The following KIR2DL3 variants were observed in gnomAD, a reference collection of about 807,000 sequenced individuals.
KIR2DL3 encodes killer cell immunoglobulin-like receptor 2DL3.
Under a neutral mutation model 33.8 loss-of-function variants are expected in KIR2DL3, and 39 were observed. The ratio of observed to expected loss-of-function variants is 1.15; its 90% CI spans 0.89 to 1.51. The LOEUF (loss-of-function observed/expected upper bound fraction) is 1.51, where lower values mean the gene tolerates loss of function less well. Among genes scored for constraint, KIR2DL3 ranks in the 40% most tolerant of loss-of-function variants. The pLI, the probability that KIR2DL3 is intolerant of heterozygous loss-of-function variation, is 0.00. For missense variants in KIR2DL3, 462 were observed against 426.2 expected (o/e 1.08, Z -0.74); for synonymous variants, 174 against 160.2 (o/e 1.09, Z -0.65).
intron 1 of KIR2DL3, 74 bp from the exon 2 acceptor site, chr19:54,739,431 TCA>T: frequency 6.2e-7 from 1 of 1,610,958 alleles, no homozygotes. Flanking sequence ...CTGCCAAGAC[TCA>T]CAGCCCAGTG....
At chr19:54,740,727 C>G (rs1359047241) in intron 2 of KIR2DL3, among the ~76,000 whole-genome samples, 2 of 151,872 alleles carry the variant, frequency 1.3e-5, no homozygotes, top group African/African-American at 4.8e-5. Flanking sequence ...CCAGTGATGA[C>G]TACATTCTAA....
intron 5 of KIR2DL3, among the ~76,000 whole-genome samples, chr19:54,748,722 A>G (rs1488113498): frequency 6.8e-3 from 967 of 143,092 alleles, no homozygotes; most frequent in African/African-American, 0.024. Flanking sequence ...CCTGGATTCA[A>G]GTGATTCTCC....
At position 54,738,683 on chromosome 19, in the gene KIR2DL3, G is replaced by A. The variant is rs188621146; in HGVS notation, c.34+104G>A. On this transcript the variant is annotated intron_variant, in intron 1 of 7. Transcript: ENST00000342376. ...GTGGAGTTATGGGCCTAGAGATGGA[G>A]TGATGGGCCTAGAAGTGGAGATCTG... 2,609 of 1,573,388 alleles carry A rather than the reference G, an allele frequency of 1.7e-3. 49 individuals carry two copies. The highest frequency in any genetic ancestry group is 3.3e-4 in the Middle Eastern group (2 of 5,972).
rs1307041648 is a variant in KIR2DL3 at position 54,751,890 on chromosome 19, G to A, written c.820+137G>A. ...AGCCACAGAGGGAGGACTTTCTAGAGAGAGCACCAGACTCCCTGTCCCTGC... is the reference window on the plus strand; with the variant it reads ...AGCCACAGAGGGAGGACTTTCTAGAAAGAGCACCAGACTCCCTGTCCCTGC... On this transcript the variant is annotated intron_variant, in intron 6 of 7. Coordinates refer to ENST00000342376, the MANE Select transcript of KIR2DL3 (RefSeq NM_015868.3). 1.1e-5 allele frequency: 9 copies of A among 790,656 alleles called. 1 individual carries two copies. The highest frequency in any genetic ancestry group is 1.8e-5 in the Non-Finnish European group (9 of 509,604). 49.0% of individuals were successfully genotyped at this position (790,656 alleles called of 1,614,324 possible).
At chr19:54,738,724 TCTGGGCCTGGAGTGGAG>T (rs2070269711) in intron 1 of KIR2DL3, 145 bp downstream of exon 1, 2 of 1,331,124 alleles carry the variant, frequency 1.5e-6, no homozygotes, top group Non-Finnish European at 2.1e-6. Context: ...GGAGTGGAGA[TCTGGGCCTGGAGTGGAG>T]ATATGGGCCT....
chr19:54,750,357 T>G lies in KIR2DL3; in HGVS notation c.716-1292T>G, dbSNP rs1161013400. Reference sequence around the variant, plus strand: ...GGACAGGTGGTATTGAAGCAATAGATGGCCGAGGGGGTGGTCCTTCCCCCA... The same window carrying G: ...GGACAGGTGGTATTGAAGCAATAGAGGGCCGAGGGGGTGGTCCTTCCCCCA... On this transcript the variant is annotated intron_variant, in intron 5 of 7. Transcript: ENST00000342376. 2.1e-5 allele frequency among the ~76,000 whole-genome samples: 3 copies of G among 141,778 alleles called. No individual in the cohort carries two copies. The East Asian group carries it at 5.9e-4, about 28-fold the overall frequency. 93.0% of individuals were successfully genotyped at this position (141,778 alleles called of 152,430 possible).
At chr19:54,745,298 T>C (rs2072283321) in intron 4 of KIR2DL3, among the ~76,000 whole-genome samples, 1 of 152,160 alleles carries the variant, frequency 6.6e-6, no homozygotes, top group Admixed American at 6.5e-5. Flanking sequence ...TTACTTTCCT[T>C]TGGATATAAA....
intron 2 of KIR2DL3, among the ~76,000 whole-genome samples, chr19:54,741,710 A>T (rs201508432): frequency 7.2e-6 from 1 of 139,368 alleles, no homozygotes; most frequent in African/African-American, 2.7e-5. Flanking sequence ...CAGGAAATAC[A>T]TTAGTGTGAA....
Position 54,752,071 on chromosome 19 carries a change from C to A in KIR2DL3, c.821-145C>A. ...TATTCATGGGATGGGTCCTTGAGCTCAGAGAGATAGAATGTCTGAGTCTGC... is the reference window on the plus strand; with the variant it reads ...TATTCATGGGATGGGTCCTTGAGCTAAGAGAGATAGAATGTCTGAGTCTGC... On this transcript the variant is annotated intron_variant, in intron 6 of 7. Transcript: ENST00000342376. The A allele has an allele frequency of 4.2e-6, 4 of 954,762 alleles. No homozygotes were observed. In the South Asian group the frequency reaches 5.1e-5, roughly 12 times the overall value. 59.1% of individuals were successfully genotyped at this position (954,762 alleles called of 1,614,324 possible).
intron 2 of KIR2DL3, among the ~76,000 whole-genome samples, chr19:54,739,762 T>C (rs1034213205): frequency 4.7e-5 from 7 of 150,028 alleles, no homozygotes; most frequent in African/African-American, 7.5e-5. Context: ...AAAGCTGGGG[T>C]GTGTGGTTGG....
Position 54,738,567 on chromosome 19 carries a change from A to G in KIR2DL3, c.22A>G (p.Met8Val). ...CACCATGTCGCTCATGGTCGTCAGCATGGTGTGTGTTGGTGAGTCCTGGAA... is the reference window on the plus strand; with the variant it reads ...CACCATGTCGCTCATGGTCGTCAGCGTGGTGTGTGTTGGTGAGTCCTGGAA... MSLMVVS[M>V]VCVGFFLLQG... Residue 8 changes from methionine (M) to valine (V), a missense_variant, in exon 1 of 8, where the codon ATG becomes GTG. Coordinates refer to ENST00000342376, the MANE Select transcript of KIR2DL3 (RefSeq NM_015868.3). The G allele has an allele frequency of 3.7e-6, 6 of 1,614,174 alleles. No individual in the cohort carries two copies. Among genetic ancestry groups the G allele is most frequent in the Non-Finnish European group, 4.2e-6 (5 of 1,180,032 alleles).
At chr19:54,742,491 G>T (rs1442880214) in intron 3 of KIR2DL3, among the ~76,000 whole-genome samples, 1 of 151,988 alleles carries the variant, frequency 6.6e-6, no homozygotes, top group African/African-American at 2.4e-5. Flanking sequence ...GCCATACAGG[G>T]AGTTAGAAAA....
chr19:54,741,232 A>C (rs574264357), intron 2 of KIR2DL3, among the ~76,000 whole-genome samples: 1 of 151,250 alleles, frequency 6.6e-6, no homozygotes, highest in Non-Finnish European at 1.5e-5. Flanking sequence ...CTAGCGACTC[A>C]GGAGGCTGAG....
At position 54,747,360 on chromosome 19, in the gene KIR2DL3, A is replaced by C. The variant is rs764677609; in HGVS notation, c.690A>C (p.Ser230=). The change falls in exon 5 of 8, where the codon TCA becomes TCC. Residue 230 remains serine (S), a synonymous_variant. Transcript: ENST00000342376. The part of the protein sequence containing the change: ...VTGNPSNSWP[S]PTEPSSETGN... ...GAAACCCTTCAAATAGTTGGCCTTC[A>C]CCCACTGAACCAAGCTCCGAAACCG... 1.2e-6 allele frequency: 2 copies of C among 1,611,718 alleles called. No individual in the cohort carries two copies. The highest frequency in any genetic ancestry group is 2.2e-5 in the East Asian group (1 of 44,868).
chr19:54,740,738 T>C (rs1217384470), intron 2 of KIR2DL3, among the ~76,000 whole-genome samples: 2 of 151,878 alleles, frequency 1.3e-5, no homozygotes, highest in Non-Finnish European at 2.9e-5. Context: ...TACATTCTAA[T>C]CCCTGGAGTC....
chr19:54,742,826 G>A (rs1281063829), intron 3 of KIR2DL3, among the ~76,000 whole-genome samples: 1 of 150,906 alleles, frequency 6.6e-6, no homozygotes, highest in African/African-American at 2.4e-5. Context: ...CTCCAGACTG[G>A]ATTCTGTGGC....
In KIR2DL3 at chr19:54,752,486, C is replaced by T. The variant is rs745904711; in HGVS notation, c.993C>T (p.Ile331=). Residue 331 remains isoleucine, a synonymous_variant, in exon 8 of 8, where the codon ATC becomes ATT. Coordinates refer to ENST00000342376, the MANE Select transcript of KIR2DL3 (RefSeq NM_015868.3). ...QRPKTPPTDI[I]VYTELPNAEP is the part of the protein sequence containing the mutation. ...CCAAGACACCCCCAACAGATATCATCGTGTACACGGAACTTCCAAATGCTG... is the reference window on the plus strand; with the variant it reads ...CCAAGACACCCCCAACAGATATCATTGTGTACACGGAACTTCCAAATGCTG... 1.0e-5 allele frequency: 15 copies of T among 1,465,052 alleles called. 3 individuals carry two copies. The highest frequency in any genetic ancestry group is 1.4e-5 in the Non-Finnish European group (15 of 1,077,314). 90.8% of individuals were successfully genotyped at this position (1,465,052 alleles called of 1,614,324 possible).
chr19:54,746,802 A>T (rs1191839590), intron 4 of KIR2DL3, among the ~76,000 whole-genome samples: 1 of 149,720 alleles, frequency 6.7e-6, no homozygotes. Context: ...GGCCGACGTG[A>T]TGAAACATTG....
At chr19:54,745,359 G>A (rs1428810297) in intron 4 of KIR2DL3, among the ~76,000 whole-genome samples, 3 of 147,842 alleles carry the variant, frequency 2.0e-5, no homozygotes, top group East Asian at 2.0e-4. Context: ...TTAGTTATTC[G>A]TTTGTTGTTT....
Sources: gnomAD v4.1 joint callset for allele counts (sites outside exome capture counted in the v4.1 genomes callset) on GRCh38, gnomAD v4.1.1 for gene constraint, MANE v1.5 for transcripts, NCBI Gene and HGNC (gene_info 2026-07-23, HGNC 2026-07-21) for gene names.